SPATA13: variants seen among roughly 807,000 people sequenced by gnomAD.
SPATA13 encodes spermatogenesis associated 13.
SPATA13 carries 50 observed loss-of-function variants against 104.0 expected under a neutral mutation model. The observed-to-expected ratio is 0.48, with a 90% CI of 0.38 to 0.61. The LOEUF is 0.61. Ranked by LOEUF, SPATA13 falls within the 20% of genes least tolerant of loss-of-function variation. The pLI is 0.00. For missense variants in SPATA13, 1,524 were observed against 1,690.6 expected, an observed-to-expected ratio of 0.90 and a Z score of 1.73; for synonymous variants, 606 against 667.5, an observed-to-expected ratio of 0.91 and a Z score of 1.42.
chr13:24,154,334 A>C (rs1198055333), intron 3 of SPATA13, among the ~76,000 whole-genome samples: 1 of 152,240 alleles, frequency 6.6e-6, no homozygotes, highest in African/African-American at 2.4e-5. Context: ...AAACAGCAGA[A>C]TACTACACAG....
At chr13:24,158,053 G>A (rs1361607460), upstream of SPATA13, among the ~76,000 whole-genome samples, 3 of 152,182 alleles carry the variant, frequency 2.0e-5, no homozygotes, top group Non-Finnish European at 4.4e-5. Flanking sequence ...ATGTTATGTG[G>A]AACAACAACA....
intron 1 of SPATA13, among the ~76,000 whole-genome samples, chr13:24,169,168 C>T (rs763347378): frequency 3.9e-4 from 60 of 152,192 alleles, no homozygotes; most frequent in Admixed American, 5.2e-4. Context: ...TCCTGCCCTT[C>T]CTAGAAAAGG....
chr13:24,124,551 A>G (rs374015338), intron 3 of SPATA13, among the ~76,000 whole-genome samples: 1 of 152,208 alleles, frequency 6.6e-6, no homozygotes. Flanking sequence ...TCTGGTGAGA[A>G]TGGCAGTCCT....
chr13:24,274,805 T>A (rs1593484862), intron 4 of SPATA13, among the ~76,000 whole-genome samples: 1 of 152,150 alleles, frequency 6.6e-6, no homozygotes, highest in Non-Finnish European at 1.5e-5. Context: ...GAGGGGAAAT[T>A]CCCCACCAAG....
At chr13:24,261,826 A>G (rs1012709825) in intron 4 of SPATA13, among the ~76,000 whole-genome samples, 1 of 152,034 alleles carries the variant, frequency 6.6e-6, no homozygotes, top group East Asian at 1.9e-4. Flanking sequence ...GCAGAATGCC[A>G]TGGGAGGATG....
In SPATA13 at chr13:24,102,881, C is replaced by T. The variant is rs540453239; in HGVS notation, c.-112+85180C>T. On this transcript the variant is annotated intron_variant, in intron 3 of 14. Coordinates refer to the SPATA13 transcript ENST00000424834. ...AAGAAATCTTTGCCAAAACCAACAT[C>T]GTGGAGACTTTTCCCTATGTTTTCC... Among the ~76,000 whole-genome samples, 9 of 152,276 alleles carry T rather than the reference C, an allele frequency of 5.9e-5. No homozygotes were observed. The East Asian group carries it at 9.6e-4, about 16-fold the overall frequency.
chr13:24,151,218 T>C (rs1223905870), intron 3 of SPATA13, among the ~76,000 whole-genome samples: 1 of 152,180 alleles, frequency 6.6e-6, no homozygotes, highest in Non-Finnish European at 1.5e-5. Flanking sequence ...GCTGTGATTG[T>C]GGGCATGCGT....
intron 3 of SPATA13, among the ~76,000 whole-genome samples, chr13:24,148,866 CT>C (rs1882012955): frequency 6.6e-6 from 1 of 152,162 alleles, no homozygotes; most frequent in South Asian, 2.1e-4. Context: ...ACAGGAGCTG[CT>C]GTTCATTCTG....
At chr13:24,143,278 G>A (rs1881819901) in intron 3 of SPATA13, among the ~76,000 whole-genome samples, 1 of 152,162 alleles carries the variant, frequency 6.6e-6, no homozygotes, top group African/African-American at 2.4e-5. Context: ...GCAACTGCAA[G>A]TGCCCAGAAA....
chr13:24,180,556 A>C (rs34838879), intron 1 of SPATA13, among the ~76,000 whole-genome samples: 2 of 152,188 alleles, frequency 1.3e-5, no homozygotes, highest in Non-Finnish European at 2.9e-5. Context: ...ATAGGATTGT[A>C]CTGAATCTGT....
chr13:24,296,306 G>C (rs760149798), intron 10 of SPATA13, among the ~76,000 whole-genome samples: 8 of 152,160 alleles, frequency 5.3e-5, no homozygotes, highest in Admixed American at 2.0e-4. Context: ...TTGGAGTCAG[G>C]CTCTTTTGCC....
Position 24,291,772 on chromosome 13 carries a change from C to T in SPATA13, c.3080+888C>T, listed in dbSNP as rs1402304317. Among the ~76,000 whole-genome samples, 5 of 107,680 alleles carry T rather than the reference C, an allele frequency of 4.6e-5. 1 individual carries two copies. Among genetic ancestry groups the T allele is most frequent in the African/African-American group, 1.0e-4 (3 of 29,112 alleles). 70.6% of individuals were successfully genotyped at this position (107,680 alleles called of 152,430 possible). A position where few individuals can be genotyped will look rare whatever the true frequency, so the allele number is the denominator to read the frequency against. On this transcript the variant is annotated intron_variant, in intron 9 of 12. Coordinates refer to ENST00000382108, the MANE Select transcript of SPATA13 (RefSeq NM_001166271.3). ...TATTTTTTTATTTTTTTTTTTGAGA[C>T]GGAGTCTCGTTCTGTCGCCCAGGCC...
intron 3 of SPATA13, chr13:24,122,323 GT>G: frequency 1.4e-6 from 2 of 1,433,716 alleles, no homozygotes; most frequent in Non-Finnish European, 2.0e-6. Context: ...GATTTGAATA[GT>G]TTGAAAGATA....
At chr13:24,224,782 A>G (rs1337114115) in intron 2 of SPATA13, 200 bp downstream of exon 2, 4 of 667,518 alleles carry the variant, frequency 6.0e-6, no homozygotes, top group Non-Finnish European at 8.3e-6. Context: ...CTTTGAAATA[A>G]ATTGACAATG....
rs545300934 is a variant in SPATA13, at chr13:24,265,719, G to C, written c.2164+13857G>C. 2.0e-5 allele frequency among the ~76,000 whole-genome samples: 3 copies of C among 152,148 alleles called. No homozygotes were observed. The East Asian group carries it at 5.8e-4, about 29-fold the overall frequency. On this transcript the variant is annotated intron_variant, in intron 4 of 12. Coordinates refer to ENST00000382108, the MANE Select transcript of SPATA13 (RefSeq NM_001166271.3). Reference sequence around the variant, plus strand: ...AGCTGATGGCCATGCTTTCCCAGGGGACAGCATGACTCTCCCCTGGGGCCT... The same window carrying C: ...AGCTGATGGCCATGCTTTCCCAGGGCACAGCATGACTCTCCCCTGGGGCCT...
chr13:24,095,428 G>A (rs1566101289), intron 3 of SPATA13, among the ~76,000 whole-genome samples: 1 of 152,104 alleles, frequency 6.6e-6, no homozygotes, highest in Non-Finnish European at 1.5e-5. Context: ...GTGCAGAATA[G>A]GGGAGTTAAA....
In SPATA13 at chr13:24,249,936, C is replaced by T. The variant is rs902190263; in HGVS notation, c.2019+94C>T. 1.1e-5 allele frequency: 16 copies of T among 1,482,432 alleles called. No homozygotes were observed. In the African/African-American group the frequency reaches 1.4e-4, roughly 13 times the overall value. 91.8% of individuals were successfully genotyped at this position (1,482,432 alleles called of 1,614,324 possible). ...ACACTAAACTGGATCTGCTTTTTCT[C>T]TCCCGTTCTCAAGGGCGGCACCATG... is the stretch of plus-strand genomic sequence containing the variant. On this transcript the variant is annotated intron_variant, in intron 3 of 12. Coordinates refer to ENST00000382108, the MANE Select transcript of SPATA13 (RefSeq NM_001166271.3).
intron 3 of SPATA13, among the ~76,000 whole-genome samples, chr13:24,095,410 G>T (rs1442295384): frequency 1.3e-5 from 2 of 152,114 alleles, no homozygotes; most frequent in African/African-American, 4.8e-5. Context: ...CCAGGGCTGG[G>T]GTAGGGGGTG....
rs552062312 is a variant in SPATA13 at position 24,293,595 on chromosome 13, C to A, written c.3081-1144C>A. On this transcript the variant is annotated intron_variant, in intron 9 of 12. Transcript: ENST00000382108. Reference sequence around the variant, plus strand: ...GTCCATTTCCTTGTCTTAAGTAAAACAAAGCAAAAATTCTTTTAAAAAAAC... The same window carrying A: ...GTCCATTTCCTTGTCTTAAGTAAAAAAAAGCAAAAATTCTTTTAAAAAAAC... Among the ~76,000 whole-genome samples, 3 of 152,240 alleles carry A rather than the reference C, an allele frequency of 2.0e-5. No homozygotes were observed. In the East Asian group the frequency reaches 5.8e-4, roughly 29 times the overall value.
Sources: gnomAD v4.1 joint callset for allele counts (sites outside exome capture counted in the v4.1 genomes callset) on GRCh38, gnomAD v4.1.1 for gene constraint, MANE v1.5 for transcripts, NCBI Gene and HGNC (gene_info 2026-07-23, HGNC 2026-07-21) for gene names.